Variants in IQCE observed in about 807,000 individuals in gnomAD.
IQCE encodes the protein IQ domain-containing protein E.
In IQCE, 115 loss-of-function variants were observed where a neutral mutation model predicts 96.0. The observed-to-expected ratio is 1.20, with a 90% CI of 1.03 to 1.40. The LOEUF (loss-of-function observed/expected upper bound fraction) is 1.40, where lower values mean the gene tolerates loss of function less well. Ranked by LOEUF, IQCE falls within the 40% of genes most tolerant of loss-of-function variation. The pLI, the probability that IQCE is intolerant of heterozygous loss-of-function variation, is 0.00. For synonymous variants in IQCE, 412 were observed against 371.2 expected (o/e 1.11, Z -1.26); for missense variants, 1,041 against 909.1 (o/e 1.15, Z -1.87).
chr7:2,577,326 G>A (rs2969049), intron 6 of IQCE, among the ~76,000 whole-genome samples: 24,162 of 140,600 alleles, frequency 0.17, 2,533 homozygotes, highest in East Asian at 0.29. Flanking sequence ...TGTGTGCGGC[G>A]TATACACATT....
intron 8 of IQCE, among the ~76,000 whole-genome samples, chr7:2,580,521 A>G (rs765017171): frequency 2.3e-4 from 35 of 152,168 alleles, no homozygotes; most frequent in Non-Finnish European, 5.0e-4. Context: ...CTGAGGCAGA[A>G]GGATCACTTG....
intron 17 of IQCE, 96 bp downstream of exon 17, chr7:2,598,728 C>T: frequency 8.9e-7 from 1 of 1,123,028 alleles, no homozygotes; most frequent in Non-Finnish European, 1.2e-6. Context: ...CCTGGAGGGC[C>T]AGCCAGGCCC....
chr7:2,612,296 C>T lies in IQCE; in HGVS notation c.*2134C>T, dbSNP rs1785131958. 1 of 152,270 alleles carries T rather than the reference C, an allele frequency of 6.6e-6. No homozygotes were observed. Among genetic ancestry groups the T allele is most frequent in the Admixed American group, 6.5e-5 (1 of 15,284 alleles). 9.4% of individuals were successfully genotyped at this position (152,270 alleles called of 1,614,324 possible). On this transcript the variant is annotated 3_prime_UTR_variant, in exon 22 of 22. Transcript: ENST00000402050. ...CTCGCTGGGTAAATGGCAATGCATT[C>T]TCAAGCCAGTGTCTTCAGCTGATGC...
rs1458649393 is a variant in IQCE, at chr7:2,593,201, C to T, written c.1349+75C>T. On this transcript the variant is annotated intron_variant, in intron 15 of 21. Transcript: ENST00000402050. ...CTGCTACCACTGCGGCCCCCCGTGG[C>T]GTCTCAGCCTTGCTGCCAGCCGGCT... 18 of 1,506,972 alleles carry T rather than the reference C, an allele frequency of 1.2e-5. 1 individual carries two copies. In the South Asian group the frequency reaches 1.5e-4, roughly 12 times the overall value. The allele number at this position is 1,506,972 out of a possible 1,614,324, so 93.4% of individuals were successfully genotyped here. A position where few individuals can be genotyped will look rare whatever the true frequency, so the allele number is the denominator to read the frequency against.
intron 6 of IQCE, among the ~76,000 whole-genome samples, chr7:2,577,985 G>A (rs1302566744): frequency 7.0e-6 from 1 of 142,248 alleles, no homozygotes; most frequent in Non-Finnish European, 1.5e-5. Flanking sequence ...ACGTGTGTGC[G>A]GCGTGTGCGC....
At position 2,612,039 on chromosome 7, in the gene IQCE, C is replaced by T. The variant is rs1389766692; in HGVS notation, c.*1877C>T. The T allele has an allele frequency of 6.6e-6, 1 of 152,172 alleles. No individual in the cohort carries two copies. The highest frequency in any genetic ancestry group is 1.9e-4 in the East Asian group (1 of 5,178). 9.4% of individuals were successfully genotyped at this position (152,172 alleles called of 1,614,324 possible). A position where few individuals can be genotyped will look rare whatever the true frequency, so the allele number is the denominator to read the frequency against. ...GCCCTGAGAAAGTGAGACACCTGCA[C>T]ATTCGCTGGGGGAGACCCTCCGTTC... On this transcript the variant is annotated 3_prime_UTR_variant, in exon 22 of 22. Coordinates refer to ENST00000402050, the MANE Select transcript of IQCE (RefSeq NM_152558.5).
Position 2,586,392 on chromosome 7 carries a change from C to G in IQCE, c.988+21C>G, listed in dbSNP as rs1783115881. 3 of 1,565,994 alleles carry G rather than the reference C, an allele frequency of 1.9e-6. No homozygotes were observed. In the South Asian group the frequency reaches 3.4e-5, roughly 18 times the overall value. The stretch of plus-strand genomic sequence containing the variant: ...ACAGGGTACCTTCCTGAAAGCCACT[C>G]CAGGAGGGAGGCCAGGGAATGGCAG... On this transcript the variant is annotated intron_variant, in intron 12 of 21. Coordinates refer to ENST00000402050, the MANE Select transcript of IQCE (RefSeq NM_152558.5).
At chr7:2,607,626 C>A in intron 21 of IQCE, 1 of 1,002,996 alleles carries the variant, frequency 1.0e-6, no homozygotes, top group Non-Finnish European at 1.2e-6. Context: ...ATGCCACACC[C>A]TGGTGTGAGG....
At chr7:2,578,610 C>T (rs1782402014) in intron 8 of IQCE, 84 bp downstream of exon 8, 5 of 1,446,170 alleles carry the variant, frequency 3.5e-6, no homozygotes, top group Non-Finnish European at 4.9e-6. Flanking sequence ...TTCCCTGCAG[C>T]ACCCACGCGT....
intron 11 of IQCE, among the ~76,000 whole-genome samples, chr7:2,585,758 CATGAGT>C (rs1214180472): frequency 6.6e-6 from 1 of 152,236 alleles, no homozygotes; most frequent in East Asian, 1.9e-4. Context: ...ACAAAACCTG[CATGAGT>C]ATTGATTTTC....
intron 11 of IQCE, 21 bp from the exon 12 acceptor site, chr7:2,586,187 T>A: frequency 1.9e-6 from 3 of 1,607,246 alleles, no homozygotes; most frequent in Non-Finnish European, 2.5e-6. Context: ...CAAACCTCAG[T>A]CCACGATTTG....
At chr7:2,562,415 A>G (rs1456237247) in intron 1 of IQCE, among the ~76,000 whole-genome samples, 1 of 151,942 alleles carries the variant, frequency 6.6e-6, no homozygotes, top group Non-Finnish European at 1.5e-5. Flanking sequence ...TGCTTTTGGT[A>G]TCAGTGTAAT....
At chr7:2,565,280 G>A (rs538683601) in intron 1 of IQCE, among the ~76,000 whole-genome samples, 6 of 151,760 alleles carry the variant, frequency 4.0e-5, no homozygotes, top group Non-Finnish European at 8.8e-5. Flanking sequence ...CGCTGTGTAT[G>A]ATTGTATTCT....
chr7:2,601,456 C>A lies in IQCE; in HGVS notation c.1624C>A (p.Leu542Met). The A allele has an allele frequency of 6.4e-7, 1 of 1,570,216 alleles. No individual in the cohort carries two copies. Among genetic ancestry groups the A allele is most frequent in the Non-Finnish European group, 8.7e-7 (1 of 1,146,708 alleles). The change falls in exon 18 of 22, where the codon CTG (leucine) becomes ATG (methionine). Residue 542 changes from leucine (L) to methionine (M), a missense_variant. Coordinates refer to ENST00000402050, the MANE Select transcript of IQCE (RefSeq NM_152558.5). ...TTTTTTCCAGAAAAAAAAGGCTGTT[C>A]TGGATGAGGTAAGCGAGGTTTATTT... ...VYKHKKKKAVLDEAAVVLQAA... is the reference protein window; with the variant it reads ...VYKHKKKKAVMDEAAVVLQAA...
chr7:2,572,689 T>C lies in IQCE; in HGVS notation c.394+363T>C, dbSNP rs200606600. 49 of 468,836 alleles carry C rather than the reference T, an allele frequency of 1.0e-4. 1 individual carries two copies. The East Asian group carries it at 3.1e-3, about 30-fold the overall frequency. 29.0% of individuals were successfully genotyped at this position (468,836 alleles called of 1,614,324 possible). A position where few individuals can be genotyped will look rare whatever the true frequency, so the allele number is the denominator to read the frequency against. ...AGTCGCACCAAAGAGAATCAGCTTG[T>C]TTCTGTGTTTATGTTCCTGCCTAGT... On this transcript the variant is annotated intron_variant, in intron 5 of 21. Coordinates refer to ENST00000402050, the MANE Select transcript of IQCE (RefSeq NM_152558.5).
At chr7:2,606,885 A>T (rs1046529857) in intron 20 of IQCE, among the ~76,000 whole-genome samples, 1 of 152,036 alleles carries the variant, frequency 6.6e-6, no homozygotes, top group Non-Finnish European at 1.5e-5. Context: ...TGCCGGCCTG[A>T]CCTCAGCATG....
Position 2,610,127 on chromosome 7 carries a change from G to T in IQCE, c.2053G>T (p.Ala685Ser), listed in dbSNP as rs1428920044. ...NSDDSDDIVI[A>S]PSLPTKNFPV is the part of the protein sequence containing the mutation. ...CGATGATTCCGACGATATTGTCATTGCACCGTCTCTGCCCACGAAGAACTT... is the reference window on the plus strand; with the variant it reads ...CGATGATTCCGACGATATTGTCATTTCACCGTCTCTGCCCACGAAGAACTT... Residue 685 changes from alanine (A) to serine (S), a missense_variant, in exon 22 of 22, where the codon GCA becomes TCA. Coordinates refer to ENST00000402050, the MANE Select transcript of IQCE (RefSeq NM_152558.5). 6.2e-7 allele frequency: 1 copy of T among 1,612,530 alleles called. No homozygotes were observed. Among genetic ancestry groups the T allele is most frequent in the African/African-American group, 1.3e-5 (1 of 74,904 alleles).
rs58431089 is a variant in IQCE at position 2,601,652 on chromosome 7, C to T, written c.1632+188C>T. On this transcript the variant is annotated intron_variant, in intron 18 of 21. Coordinates refer to ENST00000402050, the MANE Select transcript of IQCE (RefSeq NM_152558.5). ...GCAACCTCCGCCTCCTGGGTTCAAG[C>T]GATTCTCCTGCCTCAGCCTCCCTAG... 1,660 of 558,026 alleles carry T rather than the reference C, an allele frequency of 3.0e-3. 28 individuals are homozygous for T. Among genetic ancestry groups the T allele is most frequent in the African/African-American group, 0.028 (1,460 of 52,214 alleles). The allele number at this position is 558,026 out of a possible 1,614,324, so 34.6% of individuals were successfully genotyped here.
chr7:2,590,041 C>T lies in IQCE; in HGVS notation c.1179C>T (p.Leu393=). 1 of 1,613,708 alleles carries T rather than the reference C, an allele frequency of 6.2e-7. No individual in the cohort carries two copies. The highest frequency in any genetic ancestry group is 8.5e-7 in the Non-Finnish European group (1 of 1,179,970). Residue 393 remains leucine (L), a synonymous_variant, in exon 14 of 22, where the codon CTC becomes CTT. Coordinates refer to ENST00000402050, the MANE Select transcript of IQCE (RefSeq NM_152558.5). Reference sequence around the variant, plus strand: ...ACCGCAACAAGGACCACGAGCGTCTCCGAGGGGCTGTGAGAGACCTGAAGG... The same window carrying T: ...ACCGCAACAAGGACCACGAGCGTCTTCGAGGGGCTGTGAGAGACCTGAAGG... ...RGDRNKDHER[L]RGAVRDLKEE... is the part of the protein sequence containing the mutation.
Sources: gnomAD v4.1 joint callset for allele counts (sites outside exome capture counted in the v4.1 genomes callset) on GRCh38, gnomAD v4.1.1 for gene constraint, MANE v1.5 for transcripts, NCBI Gene and HGNC (gene_info 2026-07-23, HGNC 2026-07-21) for gene names.